TTLL5: variants seen among roughly 807,000 people sequenced by gnomAD.
The protein encoded by TTLL5 is tubulin tyrosine ligase like 5.
TTLL5 carries 132 observed loss-of-function variants against 168.4 expected under a neutral mutation model. That is an observed-to-expected ratio of 0.78 (90% confidence interval 0.68 to 0.91). TTLL5 has a LOEUF of 0.91. TTLL5 is among the 40% of genes least tolerant of loss of function. TTLL5 has a pLI of 0.00. For synonymous variants in TTLL5, 546 were observed against 558.6 expected (o/e 0.98, Z 0.32); for missense variants, 1,545 against 1,581.5 (o/e 0.98, Z 0.39).
intron 23 of TTLL5, among the ~76,000 whole-genome samples, chr14:75,778,977 A>G (rs889021680): frequency 1.3e-5 from 2 of 152,198 alleles, no homozygotes; most frequent in African/African-American, 4.8e-5. Context: ...TGGCTCTTTA[A>G]GTGAAGGTAC....
intron 28 of TTLL5, among the ~76,000 whole-genome samples, chr14:75,856,699 T>C (rs1897148447): frequency 6.6e-6 from 1 of 151,424 alleles, no homozygotes; most frequent in South Asian, 2.1e-4. Context: ...CGATCTCAGC[T>C]TACTGCAACC....
chr14:75,764,407 T>G (rs1260081222), intron 18 of TTLL5, among the ~76,000 whole-genome samples: 1 of 152,192 alleles, frequency 6.6e-6, no homozygotes, highest in Non-Finnish European at 1.5e-5. Flanking sequence ...TAGCTGCATA[T>G]TTTTTTAGAA....
At chr14:75,717,378 G>T (rs1220478283) in intron 9 of TTLL5, among the ~76,000 whole-genome samples, 1 of 152,150 alleles carries the variant, frequency 6.6e-6, no homozygotes, top group East Asian at 1.9e-4. Flanking sequence ...GCCTCCCAAA[G>T]TGTTGAGATT....
chr14:75,743,238 A>C (rs1889378406), intron 15 of TTLL5, among the ~76,000 whole-genome samples: 1 of 151,860 alleles, frequency 6.6e-6, no homozygotes, highest in African/African-American at 2.4e-5. Flanking sequence ...AGCTTTTATA[A>C]CTCCCATGCT....
chr14:75,949,373 A>G (rs2140216075), intron 31 of TTLL5, among the ~76,000 whole-genome samples: 1 of 148,072 alleles, frequency 6.8e-6, no homozygotes, highest in African/African-American at 2.5e-5. Flanking sequence ...TTCTTTATAT[A>G]AGGTTATATA....
At chr14:75,699,068 A>T in intron 6 of TTLL5, 120 bp from the exon 7 acceptor site, 2 of 821,364 alleles carry the variant, frequency 2.4e-6, no homozygotes, top group Middle Eastern at 5.0e-4. Context: ...AACACTTAGA[A>T]ATTTGTAAGA....
chr14:75,855,150 G>GAA (rs55874311), intron 28 of TTLL5, among the ~76,000 whole-genome samples: 3 of 130,490 alleles, frequency 2.3e-5, no homozygotes, highest in Non-Finnish European at 4.8e-5. Flanking sequence ...TATGCTAGAA[G>GAA]AAAAAAAAAA....
intron 17 of TTLL5, among the ~76,000 whole-genome samples, chr14:75,748,786 T>C (rs1312433965): frequency 6.6e-6 from 1 of 152,256 alleles, no homozygotes; most frequent in Non-Finnish European, 1.5e-5. Flanking sequence ...GACTTCTTAA[T>C]TTTTGTCAAT....
chr14:75,784,854 T>C (rs2140334480), intron 26 of TTLL5, among the ~76,000 whole-genome samples: 1 of 152,354 alleles, frequency 6.6e-6, no homozygotes, highest in South Asian at 2.1e-4. Flanking sequence ...GTTGAATATC[T>C]TTTCATTTGC....
Position 75,773,947 on chromosome 14 carries a change from GAGAGAGAGAA to G in TTLL5, c.2137-1527_2137-1518del, listed in dbSNP as rs1426073355. Among the ~76,000 whole-genome samples the G allele has an allele frequency of 2.8e-3, 123 of 43,900 alleles. 1 individual carries two copies. Among genetic ancestry groups the G allele is most frequent in the African/African-American group, 5.8e-3 (83 of 14,412 alleles). 28.8% of individuals were successfully genotyped at this position (43,900 alleles called of 152,430 possible). On this transcript the variant is annotated intron_variant, in intron 21 of 31. Transcript: ENST00000298832. ...ATATATAGAGAGAGAGAGAGAGAGA[GAGAGAGAGAA>G]AGAGAGAGAGAGAGAGAGAGAGAGA...
intron 27 of TTLL5, among the ~76,000 whole-genome samples, chr14:75,800,388 T>A (rs1379026600): frequency 6.6e-6 from 1 of 152,192 alleles, no homozygotes; most frequent in Non-Finnish European, 1.5e-5. Context: ...TATTATTATT[T>A]TTTTAGTTTC....
intron 30 of TTLL5, among the ~76,000 whole-genome samples, chr14:75,892,035 G>A (rs1041344114): frequency 6.6e-6 from 1 of 152,220 alleles, no homozygotes; most frequent in East Asian, 1.9e-4. Context: ...TTATTTATAA[G>A]TGTGATTTGG....
chr14:75,812,933 G>A (rs1461194417), intron 27 of TTLL5, among the ~76,000 whole-genome samples: 2 of 152,166 alleles, frequency 1.3e-5, no homozygotes, highest in Non-Finnish European at 2.9e-5. Context: ...AGTAATGCAG[G>A]TGCTCTTGGT....
chr14:75,863,141 G>GT (rs1474659448), intron 28 of TTLL5, among the ~76,000 whole-genome samples: 1 of 152,172 alleles, frequency 6.6e-6, no homozygotes, highest in Admixed American at 6.5e-5. Flanking sequence ...CACCATTTAT[G>GT]TTACCCAGTC....
chr14:75,663,202 A>C lies in TTLL5; in HGVS notation c.53A>C (p.Asp18Ala), dbSNP rs776534405. The C allele has an allele frequency of 6.8e-6, 11 of 1,613,192 alleles. No individual in the cohort carries two copies. The highest frequency in any genetic ancestry group is 9.3e-6 in the Non-Finnish European group (11 of 1,179,752). ...DLEETASSSE[D>A]EEVISQEDHP... ...GAGGAAACAGCATCATCCTCAGAGGATGAGGAGGTCATAAGTCAAGAGTAA... is the reference window on the plus strand; with the variant it reads ...GAGGAAACAGCATCATCCTCAGAGGCTGAGGAGGTCATAAGTCAAGAGTAA... The change falls in exon 2 of 32, where the codon GAT becomes GCT. Residue 18 changes from aspartate to alanine, a missense_variant. Physicochemically the swap from Asp to Ala is moderately radical, Grantham distance 126 (BLOSUM62 -2). Coordinates refer to ENST00000298832, the MANE Select transcript of TTLL5 (RefSeq NM_015072.5).
At chr14:75,909,189 C>T (rs978490533) in intron 31 of TTLL5, among the ~76,000 whole-genome samples, 9 of 151,382 alleles carry the variant, frequency 5.9e-5, no homozygotes, top group African/African-American at 2.2e-4. Flanking sequence ...TGTCCATGAG[C>T]ACATCTTTTA....
chr14:75,942,376 T>C (rs1461851819), intron 31 of TTLL5, among the ~76,000 whole-genome samples: 2 of 152,200 alleles, frequency 1.3e-5, no homozygotes, highest in Non-Finnish European at 2.9e-5. Flanking sequence ...GTCAATCAAC[T>C]ATTTACCAAG....
intron 28 of TTLL5, among the ~76,000 whole-genome samples, chr14:75,826,276 C>G (rs1350528267): frequency 6.8e-6 from 1 of 147,776 alleles, no homozygotes; most frequent in Non-Finnish European, 1.5e-5. Context: ...AAACCACCTT[C>G]TATTTCCTTA....
At chr14:75,838,962 G>A (rs1333064924) in intron 28 of TTLL5, 1 of 152,774 alleles carries the variant, frequency 6.5e-6, no homozygotes, top group African/African-American at 2.4e-5. Context: ...GGCCAGTGTG[G>A]GTCTGCTTTT....
Sources: allele counts gnomAD v4.1 joint callset (sites outside exome capture counted in the v4.1 genomes callset), GRCh38; gene constraint gnomAD v4.1.1; transcripts MANE v1.5; gene names NCBI Gene and HGNC (gene_info 2026-07-23, HGNC 2026-07-21).